Variants in ARHGAP6 observed in about 807,000 individuals in gnomAD.
The protein encoded by ARHGAP6 is rho GTPase-activating protein 6.
Under a neutral mutation model 55.7 loss-of-function variants are expected in ARHGAP6, and 16 were observed. The observed-to-expected ratio is 0.29, with a 90% CI of 0.19 to 0.44. The LOEUF (loss-of-function observed/expected upper bound fraction) is 0.44, where lower values mean the gene tolerates loss of function less well. ARHGAP6 is among the 20% of genes least tolerant of loss of function. ARHGAP6 has a pLI of 1.00. For synonymous variants in ARHGAP6, 382 were observed against 360.9 expected (o/e 1.06, Z -0.66); for missense variants, 698 against 808.9 (o/e 0.86, Z 1.66).
chrX:11,396,014 A>G (rs1171713823), intron 1 of ARHGAP6, among the ~76,000 whole-genome samples: 1 of 111,414 alleles, frequency 9.0e-6, no homozygotes, highest in Non-Finnish European at 1.9e-5. Flanking sequence ...TTTCTGTTCC[A>G]ATGGTTTAAC....
intron 1 of ARHGAP6, among the ~76,000 whole-genome samples, chrX:11,610,345 C>T (rs1298472731): frequency 1.8e-5 from 2 of 111,184 alleles, no homozygotes; most frequent in Admixed American, 1.9e-4. Context: ...CACCTCATCT[C>T]ACATACACCA....
At chrX:11,617,255 G>C (rs2052176835) in intron 1 of ARHGAP6, among the ~76,000 whole-genome samples, 1 of 112,139 alleles carries the variant, frequency 8.9e-6, no homozygotes, top group African/African-American at 3.2e-5. Flanking sequence ...TTTCACCTAT[G>C]TTTTAAATAT....
intron 1 of ARHGAP6, among the ~76,000 whole-genome samples, chrX:11,487,398 C>T (rs2050521983): frequency 9.0e-6 from 1 of 111,101 alleles, no homozygotes; most frequent in South Asian, 3.8e-4. Context: ...TTTTGTTGGG[C>T]CAGAAATCAA....
At chrX:11,340,435 T>C (rs2048689043) in intron 1 of ARHGAP6, among the ~76,000 whole-genome samples, 1 of 111,927 alleles carries the variant, frequency 8.9e-6, no homozygotes, top group Non-Finnish European at 1.9e-5. Flanking sequence ...TAACAGTGTC[T>C]AAAATAGATT....
intron 1 of ARHGAP6, among the ~76,000 whole-genome samples, chrX:11,569,033 G>C (rs2051481136): frequency 8.9e-6 from 1 of 111,979 alleles, no homozygotes; most frequent in Admixed American, 9.5e-5. Context: ...TTAATGAATT[G>C]TTTTGTACAG....
chrX:11,547,190 G>T (rs1269283166), intron 1 of ARHGAP6, among the ~76,000 whole-genome samples: 1 of 112,513 alleles, frequency 8.9e-6, no homozygotes, highest in Non-Finnish European at 1.9e-5. Flanking sequence ...AGGGAAGAAT[G>T]TGCTAGATTC....
chrX:11,333,250 G>T (rs2048584061), intron 1 of ARHGAP6, among the ~76,000 whole-genome samples: 1 of 111,734 alleles, frequency 8.9e-6, no homozygotes, highest in East Asian at 2.8e-4. Context: ...GTCATGGGAG[G>T]GACCCGGTGG....
At chrX:11,451,476 CT>C (rs1343749260) in intron 1 of ARHGAP6, among the ~76,000 whole-genome samples, 1 of 112,069 alleles carries the variant, frequency 8.9e-6, no homozygotes, top group Non-Finnish European at 1.9e-5. Context: ...GAAGTAAAAC[CT>C]TAGTTACAAC....
At chrX:11,147,058 G>A (rs1046401464) in intron 10 of ARHGAP6, among the ~76,000 whole-genome samples, 1 of 111,260 alleles carries the variant, frequency 9.0e-6, no homozygotes, top group Admixed American at 9.5e-5. Flanking sequence ...AAAAAATAGT[G>A]TCATTCTATT....
chrX:11,301,483 T>G (rs1319489551), intron 1 of ARHGAP6, among the ~76,000 whole-genome samples: 2 of 112,106 alleles, frequency 1.8e-5, no homozygotes, highest in Non-Finnish European at 3.8e-5. Flanking sequence ...AAACAGTCTT[T>G]GCAGGGTTTA....
intron 1 of ARHGAP6, among the ~76,000 whole-genome samples, chrX:11,531,266 CTT>C (rs1025129745): frequency 9.0e-6 from 1 of 111,664 alleles, no homozygotes; most frequent in African/African-American, 3.3e-5. Flanking sequence ...ATGTTTGACT[CTT>C]AGTTTAATGC....
At chrX:11,312,915 A>G (rs1247612720) in intron 1 of ARHGAP6, among the ~76,000 whole-genome samples, 1 of 111,616 alleles carries the variant, frequency 9.0e-6, no homozygotes, top group East Asian at 2.8e-4. Flanking sequence ...TTTCTCCCAA[A>G]CAAATTTAGC....
chrX:11,649,616 C>A (rs1235416770), intron 1 of ARHGAP6, among the ~76,000 whole-genome samples: 1 of 111,915 alleles, frequency 8.9e-6, no homozygotes, highest in Non-Finnish European at 1.9e-5. Context: ...TCACCCAGAT[C>A]CTGCCTTTGG....
intron 1 of ARHGAP6, among the ~76,000 whole-genome samples, chrX:11,647,134 A>G (rs1424074597): frequency 8.9e-6 from 1 of 112,235 alleles, no homozygotes; most frequent in Non-Finnish European, 1.9e-5. Context: ...GTAATTGCTG[A>G]GGATGCTTGC....
intron 1 of ARHGAP6, among the ~76,000 whole-genome samples, chrX:11,522,219 G>T (rs1415999774): frequency 2.7e-5 from 3 of 111,241 alleles, no homozygotes; most frequent in African/African-American, 9.8e-5. Flanking sequence ...CGGAATCTCT[G>T]GGACACATTT....
intron 1 of ARHGAP6, among the ~76,000 whole-genome samples, chrX:11,552,976 T>C (rs778468620): frequency 1.9e-4 from 21 of 110,375 alleles, no homozygotes; most frequent in Admixed American, 1.5e-3. Context: ...ATATTAAGTG[T>C]TCTTACCACA....
chrX:11,434,489 C>T (rs763510644), intron 1 of ARHGAP6, among the ~76,000 whole-genome samples: 11 of 110,842 alleles, frequency 9.9e-5, no homozygotes, highest in African/African-American at 3.3e-4. Flanking sequence ...TCAAAACTGA[C>T]CACTCTGGAG....
Position 11,351,229 on chromosome X carries a change from T to C in ARHGAP6, c.589-96522A>G, listed in dbSNP as rs993710386. Among the ~76,000 whole-genome samples, 5 of 111,653 alleles carry C rather than the reference T, an allele frequency of 4.5e-5. No homozygotes were observed. In the Admixed American group the frequency reaches 4.8e-4, roughly 11 times the overall value. On this transcript the variant is annotated intron_variant, in intron 1 of 12. Coordinates refer to ENST00000337414, the MANE Select transcript of ARHGAP6 (RefSeq NM_013427.3). ...CTGGTAAAGAAGCAGGAGATCATAA[T>C]CAGAACTGAAATTAGTCAAAATGAA...
chrX:11,595,244 T>C (rs6640752), intron 1 of ARHGAP6, among the ~76,000 whole-genome samples: 18,427 of 105,571 alleles, frequency 0.17, 1,495 homozygotes, highest in African/African-American at 0.25. Context: ...GAGCCAAGAT[T>C]GTGCCATTGC....
Sources: gnomAD v4.1 joint callset for allele counts (sites outside exome capture counted in the v4.1 genomes callset) on GRCh38, gnomAD v4.1.1 for gene constraint, MANE v1.5 for transcripts, NCBI Gene and HGNC (gene_info 2026-07-23, HGNC 2026-07-21) for gene names.